The following GBX2 variants were observed in gnomAD, a reference collection of about 807,000 sequenced individuals.
GBX2 encodes gastrulation brain homeobox 2.
Under a neutral mutation model 22.4 loss-of-function variants are expected in GBX2, and 5 were observed. The ratio of observed to expected loss-of-function variants is 0.22; its 90% CI spans 0.12 to 0.47. The LOEUF (loss-of-function observed/expected upper bound fraction) is 0.47. Among genes scored for constraint, GBX2 ranks in the 20% least tolerant of loss-of-function variants. GBX2 has a pLI of 0.99. For missense variants in GBX2, 470 were observed against 495.4 expected (o/e 0.95, Z 0.49); for synonymous variants, 220 against 230.5 (o/e 0.95, Z 0.41).
chr2:236,166,383 T>TTCGGG lies in GBX2; in HGVS notation c.573_577dup (p.Lys193ThrfsTer23), dbSNP rs1315202871. 6.2e-7 allele frequency: 1 copy of TTCGGG among 1,613,998 alleles called. No homozygotes were observed. Reference sequence around the variant, plus strand: ...CAGCGAGAAGCTCTCCTCCTTGCCCTTCGGGTCGTCTTCCACCTTTGACTC... The same window carrying TTCGGG: ...CAGCGAGAAGCTCTCCTCCTTGCCCTTCGGGTCGGGTCGTCTTCCACCTTTGACTC... On this transcript the variant is annotated frameshift_variant, in exon 2 of 2. Coordinates refer to ENST00000306318, the MANE Select transcript of GBX2 (RefSeq NM_001485.4). LOFTEE classifies it high-confidence loss of function. The surrounding 1 kb of genome is among the most constrained non-coding windows in gnomAD (Gnocchi z 6.6).
chr2:236,167,232 G>C (rs957186296), intron 1 of GBX2: 13 of 1,508,140 alleles, frequency 8.6e-6, no homozygotes, highest in Admixed American at 5.9e-5. Flanking sequence ...TGGTCGCCGG[G>C]CGCTAAACGC....
rs2060234935 is a variant in GBX2 at position 236,165,765 on chromosome 2, C to T, written c.*149G>A. The T allele has an allele frequency of 1.5e-5, 10 of 647,584 alleles. No homozygotes were observed. The highest frequency in any genetic ancestry group is 1.4e-4 in the South Asian group (7 of 51,332). 40.1% of individuals were successfully genotyped at this position (647,584 alleles called of 1,614,324 possible). On this transcript the variant is annotated 3_prime_UTR_variant, in exon 2 of 2. Transcript: ENST00000306318. Reference sequence around the variant, plus strand: ...GCCCCTTCAAAAGCAGTCTTTTAAGCCCATTTAGTGAATATATTCTCAATT... The same window carrying T: ...GCCCCTTCAAAAGCAGTCTTTTAAGTCCATTTAGTGAATATATTCTCAATT...
Position 236,166,677 on chromosome 2 carries a change from C to T in GBX2, c.524-240G>A, listed in dbSNP as rs2060241056. 6.6e-6 allele frequency among the ~76,000 whole-genome samples: 1 copy of T among 152,240 alleles called. No homozygotes were observed. Among genetic ancestry groups the T allele is most frequent in the Admixed American group, 6.5e-5 (1 of 15,300 alleles). On this transcript the variant is annotated intron_variant, in intron 1 of 1. Coordinates refer to ENST00000306318, the MANE Select transcript of GBX2 (RefSeq NM_001485.4). This position sits in a 1 kb window ranked among gnomAD's most constrained non-coding sequence, Gnocchi z 6.6. ...GCGACGGCCCTTTGCCCAGAACCAT[C>T]ACTCAAAGGGCCGCCATGCCTCCCC...
At chr2:236,161,563 C>T (rs1156549026), downstream of GBX2, among the ~76,000 whole-genome samples, 1 of 152,192 alleles carries the variant, frequency 6.6e-6, no homozygotes, top group Non-Finnish European at 1.5e-5. Context: ...GCCTTAGCTT[C>T]CCCCAAGACC....
In GBX2 at chr2:236,165,560, G is replaced by C. The variant is rs1447459722; in HGVS notation, c.*354C>G. 1.6e-5 allele frequency: 3 copies of C among 193,404 alleles called. No individual in the cohort carries two copies. Among genetic ancestry groups the C allele is most frequent in the Non-Finnish European group, 3.2e-5 (3 of 94,008 alleles). 12.0% of individuals were successfully genotyped at this position (193,404 alleles called of 1,614,324 possible). A position where few individuals can be genotyped will look rare whatever the true frequency, so the allele number is the denominator to read the frequency against. The stretch of plus-strand genomic sequence containing the variant: ...TTTGGAAAAGTATGGAAAGGTGGCT[G>C]CTAACCGCGCAGATTACAGCAGAGG... On this transcript the variant is annotated 3_prime_UTR_variant, in exon 2 of 2. Transcript: ENST00000306318.
At position 236,167,853 on chromosome 2, in the gene GBX2, A is replaced by G. The variant is rs778868716; in HGVS notation, c.119T>C (p.Val40Ala). The G allele has an allele frequency of 4.6e-6, 7 of 1,525,178 alleles. No individual in the cohort carries two copies. In the African/African-American group the frequency reaches 1.0e-4, roughly 22 times the overall value. The allele number at this position is 1,525,178 out of a possible 1,614,324, so 94.5% of individuals were successfully genotyped here. Residue 40 changes from valine to alanine, a missense_variant, in exon 1 of 2, where the codon GTC becomes GCC. By Grantham distance (64) the Val-to-Ala change is moderately conservative (BLOSUM62 0). Transcript: ENST00000306318. ...SPPQPSPGHF[V>A]YTGYPMFMPY... The stretch of plus-strand genomic sequence containing the variant: ...CATGAACATGGGGTAGCCGGTGTAG[A>G]CGAAATGGCCGGGGCTGGGCTGCGG...
chr2:236,167,854 C>T lies in GBX2; in HGVS notation c.118G>A (p.Val40Ile). 1 of 1,526,284 alleles carries T rather than the reference C, an allele frequency of 6.6e-7. No individual in the cohort carries two copies. Among genetic ancestry groups the T allele is most frequent in the Admixed American group, 2.0e-5 (1 of 49,134 alleles). 94.5% of individuals were successfully genotyped at this position (1,526,284 alleles called of 1,614,324 possible). The change falls in exon 1 of 2, where the codon GTC becomes ATC. Residue 40 changes from valine to isoleucine, a missense_variant. By Grantham distance (29) the Val-to-Ile change is conservative (BLOSUM62 3). Coordinates refer to ENST00000306318, the MANE Select transcript of GBX2 (RefSeq NM_001485.4). ...ATGAACATGGGGTAGCCGGTGTAGA[C>T]GAAATGGCCGGGGCTGGGCTGCGGC... is the stretch of plus-strand genomic sequence containing the variant. Reference protein sequence around the residue: ...SPPQPSPGHFVYTGYPMFMPY... With the variant: ...SPPQPSPGHFIYTGYPMFMPY...
downstream of GBX2, among the ~76,000 whole-genome samples, chr2:236,164,816 G>A (rs1265941932): frequency 6.6e-6 from 1 of 152,150 alleles, no homozygotes; most frequent in East Asian, 1.9e-4. Flanking sequence ...GGCGAGCACC[G>A]CTTCTTTTCG....
rs1009946192 is a variant in GBX2 at position 236,166,878 on chromosome 2, G to A, written c.524-441C>T. ...AGTGAACCTCAATTGCTTCCTAACCGGAGTGGAGGCGTAGGGACGTGCAGA... is the reference window on the plus strand; with the variant it reads ...AGTGAACCTCAATTGCTTCCTAACCAGAGTGGAGGCGTAGGGACGTGCAGA... On this transcript the variant is annotated intron_variant, in intron 1 of 1. Transcript: ENST00000306318. The surrounding 1 kb of genome is among the most constrained non-coding windows in gnomAD (Gnocchi z 6.6). 1.3e-5 allele frequency among the ~76,000 whole-genome samples: 2 copies of A among 152,178 alleles called. No individual in the cohort carries two copies. Among genetic ancestry groups the A allele is most frequent in the African/African-American group, 4.8e-5 (2 of 41,438 alleles).
In GBX2 at chr2:236,166,229, C is replaced by G. The variant is rs201407896; in HGVS notation, c.732G>C (p.Thr244=). 40 of 1,613,740 alleles carry G rather than the reference C, an allele frequency of 2.5e-5. No homozygotes were observed. The highest frequency in any genetic ancestry group is 2.7e-5 in the African/African-American group (2 of 75,068). Residue 244 remains threonine, a synonymous_variant, in exon 2 of 2, where the codon ACG becomes ACC. Transcript: ENST00000306318. The surrounding 1 kb of genome is among the most constrained non-coding windows in gnomAD (Gnocchi z 6.6). ...CAGTCCGCCGCCGCCGGTTCTTGCC[C>G]GTAGACGTGGTGCTGCCCGCGGCGC... The part of the protein sequence containing the change: ...SSGAAGSTTS[T]GKNRRRRTAF...
At chr2:236,161,763 C>A (rs2060214783), downstream of GBX2, among the ~76,000 whole-genome samples, 1 of 152,216 alleles carries the variant, frequency 6.6e-6, no homozygotes, top group African/African-American at 2.4e-5. Context: ...CACGGCTGGG[C>A]ATAAGCGAGC....
intron 1 of GBX2, 97 bp downstream of exon 1, chr2:236,167,352 G>T: frequency 1.4e-6 from 2 of 1,391,038 alleles, no homozygotes; most frequent in Non-Finnish European, 9.5e-7. Context: ...GAGCGGGGGC[G>T]CGGCCTCGCC....
intron 1 of GBX2, 128 bp downstream of exon 1, chr2:236,167,321 C>G: frequency 7.2e-7 from 1 of 1,381,078 alleles, no homozygotes; most frequent in Non-Finnish European, 9.8e-7. Context: ...GCCTCATCCT[C>G]CAGCTCCTCC....
chr2:236,167,197 TAG>T, intron 1 of GBX2: 4 of 1,535,116 alleles, frequency 2.6e-6, no homozygotes, highest in Non-Finnish European at 3.5e-6. Context: ...CATCGTCAGA[TAG>T]ATATGTGGCC....
At chr2:236,167,425 C>G in intron 1 of GBX2, 24 bp downstream of exon 1, 5 of 1,486,550 alleles carry the variant, frequency 3.4e-6, no homozygotes, top group South Asian at 1.3e-5. Flanking sequence ...CCCCTCGTCC[C>G]GGCTGCGCGC....
downstream of GBX2, among the ~76,000 whole-genome samples, chr2:236,163,901 C>A (rs1020298296): frequency 6.6e-6 from 1 of 152,098 alleles, no homozygotes; most frequent in Non-Finnish European, 1.5e-5. Flanking sequence ...GGCTTCATGG[C>A]GCTGGGCGGG....
At chr2:236,163,801 G>A (rs572476755), downstream of GBX2, among the ~76,000 whole-genome samples, 1 of 152,054 alleles carries the variant, frequency 6.6e-6, no homozygotes, top group East Asian at 2.0e-4. Flanking sequence ...CCGGCAACCT[G>A]CACTCAGCGC....
At position 236,166,410 on chromosome 2, in the gene GBX2, T is replaced by C; in HGVS notation, c.551A>G (p.Asp184Gly). The stretch of plus-strand genomic sequence containing the variant: ...CGGGTCGTCTTCCACCTTTGACTCG[T>C]CTTTCCCTTGCCCTCGGACAGCCCC... ...LVGAVRGQGK[D>G]ESKVEDDPKG... Residue 184 changes from aspartate to glycine, a missense_variant, in exon 2 of 2, where the codon GAC becomes GGC. Physicochemically the swap from Asp to Gly is moderately conservative, Grantham distance 94. Around this residue, in one of 4 missense-constraint regions of GBX2, gnomAD observed 377 missense variants for 358.6 expected, o/e 1.05. Transcript: ENST00000306318. This position sits in a 1 kb window ranked among gnomAD's most constrained non-coding sequence, Gnocchi z 6.6. 1.2e-6 allele frequency: 2 copies of C among 1,612,846 alleles called. No individual in the cohort carries two copies. The highest frequency in any genetic ancestry group is 1.7e-6 in the Non-Finnish European group (2 of 1,179,164).
At position 236,167,565 on chromosome 2, in the gene GBX2, C is replaced by T; in HGVS notation, c.407G>A (p.Gly136Asp). The T allele has an allele frequency of 6.3e-7, 1 of 1,598,336 alleles. No individual in the cohort carries two copies. The highest frequency in any genetic ancestry group is 1.1e-5 in the South Asian group (1 of 89,720). Residue 136 changes from glycine to aspartate, a missense_variant, in exon 1 of 2, where the codon GGT becomes GAT. Transcript: ENST00000306318. ...KFAPQPLPGG[G>D]NFDKAEALQA... is the part of the protein sequence containing the mutation. ...CAGCGCCTCCGCCTTGTCGAAGTTA[C>T]CGCCGCCGGGCAGCGGCTGCGGCGC...
Sources: allele counts gnomAD v4.1 joint callset (sites outside exome capture counted in the v4.1 genomes callset), GRCh38; gene constraint gnomAD v4.1.1; regional missense constraint gnomAD v4.1.1; non-coding constraint Gnocchi (gnomAD v3.1); transcripts MANE v1.5; gene names NCBI Gene and HGNC (gene_info 2026-07-23, HGNC 2026-07-21).